The following MORN1 variants were observed in gnomAD, a reference collection of about 807,000 sequenced individuals.
MORN1 encodes MORN repeat containing 1.
A neutral mutation model predicts 61.9 loss-of-function variants in MORN1; 67 were observed. The observed-to-expected ratio is 1.08, with a 90% CI of 0.89 to 1.33. The LOEUF (loss-of-function observed/expected upper bound fraction) is 1.33. MORN1 is among the 40% of genes most tolerant of loss of function. MORN1 has a pLI of 0.00. For synonymous variants in MORN1, 301 were observed against 292.0 expected, an observed-to-expected ratio of 1.03 and a Z score of -0.31; for missense variants, 752 against 691.2, an observed-to-expected ratio of 1.09 and a Z score of -0.99.
At chr1:2,321,903 C>G (rs1640889499) in intron 13 of MORN1, 1 of 619,988 alleles carries the variant, frequency 1.6e-6, no homozygotes. Context: ...GGTGGCCGCT[C>G]TCAAGCCCCC....
Position 2,337,125 on chromosome 1 carries a change from C to T in MORN1, c.1037-275G>A, listed in dbSNP as rs570055429. Among the ~76,000 whole-genome samples the T allele has an allele frequency of 5.3e-5, 8 of 152,284 alleles. No individual in the cohort carries two copies. Among genetic ancestry groups the T allele is most frequent in the African/African-American group, 1.7e-4 (7 of 41,546 alleles). On this transcript the variant is annotated intron_variant, in intron 10 of 13. Transcript: ENST00000378531. This position sits in a 1 kb window ranked among gnomAD's most constrained non-coding sequence, Gnocchi z 5.7. ...CACCCCAGCGCCAGGGAGCCCAGCGCTTTGCAGTGGGAAGGGTCTCCCATC... is the reference window on the plus strand; with the variant it reads ...CACCCCAGCGCCAGGGAGCCCAGCGTTTTGCAGTGGGAAGGGTCTCCCATC...
At chr1:2,386,173 T>C in intron 4 of MORN1, 1 of 464,162 alleles carries the variant, frequency 2.2e-6, no homozygotes, top group Non-Finnish European at 4.0e-6. Flanking sequence ...GGTCCAGTTC[T>C]GAAAGGTGCG....
intron 12 of MORN1, 106 bp downstream of exon 12, chr1:2,336,337 CCCGTGTAGGCTCACTGTCTTCCCAGA>C: frequency 1.2e-6 from 1 of 846,754 alleles, no homozygotes. Context: ...TGGAGCGAGG[CCCGTGTAGGCTCACTGTCTTCCCAGA>C]CCAGGCCCTT....
chr1:2,343,460 C>T (rs1304022407), intron 10 of MORN1, among the ~76,000 whole-genome samples: 1 of 152,188 alleles, frequency 6.6e-6, no homozygotes, highest in Non-Finnish European at 1.5e-5. Context: ...GTGGGGCAGG[C>T]CCCTCATCTT....
In MORN1 at chr1:2,345,856, G is replaced by A. The variant is rs557681001; in HGVS notation, c.1037-9006C>T. On this transcript the variant is annotated intron_variant, in intron 10 of 13. Transcript: ENST00000378531. ...ACACACACACACACACACACACACA[G>A]ATGTTTGCTCTTATCTCTATGACGC... Among the ~76,000 whole-genome samples, 35 of 76,762 alleles carry A rather than the reference G, an allele frequency of 4.6e-4. No individual in the cohort carries two copies. In the South Asian group the frequency reaches 5.3e-3, roughly 12 times the overall value. 50.4% of individuals were successfully genotyped at this position (76,762 alleles called of 152,430 possible). A position where few individuals can be genotyped will look rare whatever the true frequency, so the allele number is the denominator to read the frequency against.
chr1:2,350,104 G>A (rs547260340), intron 10 of MORN1, among the ~76,000 whole-genome samples: 1 of 152,276 alleles, frequency 6.6e-6, no homozygotes, highest in Non-Finnish European at 1.5e-5. Context: ...GACACAAAAG[G>A]GTTCTGCACT....
At position 2,334,810 on chromosome 1, in the gene MORN1, A is replaced by G. The variant is rs1641231839; in HGVS notation, c.1250+1659T>C. 6.6e-6 allele frequency among the ~76,000 whole-genome samples: 1 copy of G among 152,222 alleles called. No homozygotes were observed. On this transcript the variant is annotated intron_variant, in intron 12 of 13. Transcript: ENST00000378531. This position sits in a 1 kb window ranked among gnomAD's most constrained non-coding sequence, Gnocchi z 5.4. ...CAGACGCCGACCCCTCCGTTCTCTC[A>G]GGTGGAAAAGAACGAAAGCCTTCTT...
At chr1:2,390,132 C>T (rs961712770) in intron 1 of MORN1, 136 bp from the exon 2 acceptor site, 7 of 765,024 alleles carry the variant, frequency 9.2e-6, no homozygotes, top group Admixed American at 6.9e-5. Context: ...AGACCAGAGG[C>T]GACCTGTGGG....
chr1:2,380,944 G>A (rs1387338543), intron 6 of MORN1, among the ~76,000 whole-genome samples: 1 of 152,236 alleles, frequency 6.6e-6, no homozygotes, highest in Non-Finnish European at 1.5e-5. Context: ...CTCTCGGGAT[G>A]TGCGGCCTGA....
intron 6 of MORN1, among the ~76,000 whole-genome samples, chr1:2,380,105 C>T (rs34814137): frequency 0.31 from 47,732 of 152,058 alleles, 7,696 homozygotes; most frequent in Non-Finnish European, 0.34. Context: ...ATGGAGGCTT[C>T]TGGGGACACC....
Position 2,385,836 on chromosome 1 carries a change from CTTG to C in MORN1, c.417_419del (p.Asn139del), listed in dbSNP as rs1387899885. 2.5e-6 allele frequency: 4 copies of C among 1,613,848 alleles called. No individual in the cohort carries two copies. Among genetic ancestry groups the C allele is most frequent in the African/African-American group, 2.7e-5 (2 of 74,926 alleles). ...AGAGCATCTGCCCAGGGCCGTGCCT[CTTG>C]TTGTCATGGAAGGAGCCCTGGTACA... On this transcript the variant is annotated inframe_deletion, in exon 5 of 14. Coordinates refer to ENST00000378531, the MANE Select transcript of MORN1 (RefSeq NM_024848.3).
chr1:2,327,191 GACACAGAAAC>G (rs1284121042), intron 12 of MORN1, among the ~76,000 whole-genome samples: 6 of 121,990 alleles, frequency 4.9e-5, no homozygotes, highest in African/African-American at 6.4e-5. Flanking sequence ...GAGACACAGA[GACACAGAAAC>G]ACACAGAAAC....
At chr1:2,332,715 A>G (rs1371327395) in intron 12 of MORN1, 1 of 456,452 alleles carries the variant, frequency 2.2e-6, no homozygotes, top group Non-Finnish European at 4.4e-6. Context: ...CGAGATTTGG[A>G]GCAGCCAGGA....
At chr1:2,328,213 A>G (rs1641077533) in intron 12 of MORN1, among the ~76,000 whole-genome samples, 1 of 152,230 alleles carries the variant, frequency 6.6e-6, no homozygotes. Flanking sequence ...TGACCTGGGC[A>G]TGAAGTTAGA....
rs527786075 is a variant in MORN1, at chr1:2,357,612, G to C, written c.870-14C>G. The C allele has an allele frequency of 6.4e-7, 1 of 1,574,154 alleles. No individual in the cohort carries two copies. The highest frequency in any genetic ancestry group is 1.3e-5 in the African/African-American group (1 of 74,132). Reference sequence around the variant, plus strand: ...CATTCGAACCCACTGCAAAGGAATGGGGGCAGCTTGGCTCTACTCACCCCA... The same window carrying C: ...CATTCGAACCCACTGCAAAGGAATGCGGGCAGCTTGGCTCTACTCACCCCA... On this transcript the variant is annotated splice_polypyrimidine_tract_variant and intron_variant, in intron 9 of 13. Transcript: ENST00000378531. This position sits in a 1 kb window ranked among gnomAD's most constrained non-coding sequence, Gnocchi z 6.3.
At chr1:2,336,443 C>G (rs745480732) in intron 12 of MORN1, 26 bp downstream of exon 12, 10 of 1,606,746 alleles carry the variant, frequency 6.2e-6, no homozygotes, top group Non-Finnish European at 8.5e-6. Context: ...CTCCGAACAC[C>G]TGCAGGTGGG....
intron 1 of MORN1, chr1:2,390,479 G>A: frequency 2.0e-6 from 2 of 985,424 alleles, no homozygotes; most frequent in Non-Finnish European, 2.4e-6. Context: ...GGATGGCCTG[G>A]CCGGCTTCAT....
rs12091632 is a variant in MORN1 at position 2,337,131 on chromosome 1, A to G, written c.1037-281T>C. Among the ~76,000 whole-genome samples the G allele has an allele frequency of 0.41, 62,891 of 151,956 alleles. 13,310 individuals carry two copies. Among genetic ancestry groups the G allele is most frequent in the South Asian group, 0.66 (3,155 of 4,816 alleles). On this transcript the variant is annotated intron_variant, in intron 10 of 13. Transcript: ENST00000378531. The surrounding 1 kb of genome is among the most constrained non-coding windows in gnomAD (Gnocchi z 5.7). ...AGCGCCAGGGAGCCCAGCGCTTTGC[A>G]GTGGGAAGGGTCTCCCATCAGCAGC...
Position 2,337,061 on chromosome 1 carries a change from GT to G in MORN1, c.1037-212del, listed in dbSNP as rs1204144133. Among the ~76,000 whole-genome samples, 1 of 151,962 alleles carries G rather than the reference GT, an allele frequency of 6.6e-6. No individual in the cohort carries two copies. The highest frequency in any genetic ancestry group is 1.5e-5 in the Non-Finnish European group (1 of 67,952). On this transcript the variant is annotated intron_variant, in intron 10 of 13. Transcript: ENST00000378531. The surrounding 1 kb of genome is among the most constrained non-coding windows in gnomAD (Gnocchi z 5.7). The stretch of plus-strand genomic sequence containing the variant: ...CCGACAGGGGAGGTGGGGGTCCTCC[GT>G]GTCCACGGCCTCTGACGCCCCCGCC...
Sources: gnomAD v4.1 joint callset for allele counts (sites outside exome capture counted in the v4.1 genomes callset) on GRCh38, gnomAD v4.1.1 for gene constraint, Gnocchi (gnomAD v3.1) non-coding constraint, MANE v1.5 for transcripts, NCBI Gene and HGNC (gene_info 2026-07-23, HGNC 2026-07-21) for gene names.